Variants in TRPM2 observed in about 807,000 individuals in gnomAD.
The protein encoded by TRPM2 is estrogen-responsive element-associated gene 1 protein.
A neutral mutation model predicts 174.0 loss-of-function variants in TRPM2; 161 were observed. The observed-to-expected ratio is 0.93, with a 90% confidence interval of 0.81 to 1.05. The LOEUF is 1.05. Ranked by LOEUF, TRPM2 falls within the 50% of genes least tolerant of loss-of-function variation. The pLI, the probability that TRPM2 is intolerant of heterozygous loss-of-function variation, is 0.00. For missense variants in TRPM2, 2,057 were observed against 2,038.0 expected (o/e 1.01, Z -0.18); for synonymous variants, 954 against 861.3 (o/e 1.11, Z -1.88).
Position 44,425,673 on chromosome 21 carries a change from C to A in TRPM2, c.3641C>A (p.Ser1214Tyr). ...ACGTCTTCCTGACTGTCCCCAGCCT[C>A]CCAGAAGGCCGCGGAGGAGCCGGAT... ...SSEADVPTLA[S>Y]QKAAEEPDAE... The change falls in exon 25 of 32, where the codon TCC (serine) becomes TAC (tyrosine). Residue 1214 changes from serine to tyrosine, a missense_variant. Physicochemically the swap from Ser to Tyr is moderately radical, Grantham distance 144. Coordinates refer to ENST00000397928, the MANE Select transcript of TRPM2 (RefSeq NM_003307.4). 1 of 1,516,794 alleles carries A rather than the reference C, an allele frequency of 6.6e-7. No individual in the cohort carries two copies. Among genetic ancestry groups the A allele is most frequent in the Non-Finnish European group, 8.9e-7 (1 of 1,123,170 alleles). 94.0% of individuals were successfully genotyped at this position (1,516,794 alleles called of 1,614,324 possible).
In TRPM2 at chr21:44,376,954, AC is replaced by A. The variant is rs770397128; in HGVS notation, c.953-757del. On this transcript the variant is annotated intron_variant, in intron 6 of 31. Transcript: ENST00000397928. The surrounding 1 kb of genome is among the most constrained non-coding windows in gnomAD (Gnocchi z 4.2). ...GACCACACTTTGAGAACCCTGCTTG[AC>A]TAGTAGGAGCACGTTCCCTGGTGAG... Among the ~76,000 whole-genome samples the A allele has an allele frequency of 4.6e-5, 7 of 150,610 alleles. No individual in the cohort carries two copies. Among genetic ancestry groups the A allele is most frequent in the Non-Finnish European group, 8.9e-5 (6 of 67,740 alleles).
Position 44,438,945 on chromosome 21 carries a change from G to A in TRPM2, c.4168-122G>A. On this transcript the variant is annotated intron_variant, in intron 29 of 31. Transcript: ENST00000397928. This position sits in a 1 kb window ranked among gnomAD's most constrained non-coding sequence, Gnocchi z 5.9. ...CTGCAGCCTGAGATGCCGCCTGCCT[G>A]TGGCTCCCAGGGCTGGGCCGCTGCC... 1 of 700,662 alleles carries A rather than the reference G, an allele frequency of 1.4e-6. No individual in the cohort carries two copies. The highest frequency in any genetic ancestry group is 1.7e-5 in the South Asian group (1 of 57,280). 43.4% of individuals were successfully genotyped at this position (700,662 alleles called of 1,614,324 possible).
chr21:44,378,483 G>A (rs1160559180), intron 7 of TRPM2, among the ~76,000 whole-genome samples: 5 of 152,124 alleles, frequency 3.3e-5, no homozygotes, highest in East Asian at 3.9e-4. Context: ...CTCCCTATGC[G>A]TGCCGAGTAC....
intron 12 of TRPM2, among the ~76,000 whole-genome samples, chr21:44,397,482 T>G (rs994348678): frequency 6.6e-6 from 1 of 152,180 alleles, no homozygotes; most frequent in Admixed American, 6.5e-5. Flanking sequence ...CTGGTGCATG[T>G]GCTGGGCCCG....
chr21:44,393,867 T>C (rs2049257700), intron 11 of TRPM2, among the ~76,000 whole-genome samples: 1 of 151,994 alleles, frequency 6.6e-6, no homozygotes, highest in Non-Finnish European at 1.5e-5. Flanking sequence ...GGGTATGACT[T>C]GGTTTCTTTG....
chr21:44,411,363 A>G (rs1181872170), intron 19 of TRPM2, among the ~76,000 whole-genome samples: 3 of 152,164 alleles, frequency 2.0e-5, no homozygotes, highest in African/African-American at 7.2e-5. Flanking sequence ...AGCTATTATA[A>G]ATAGAATTGT....
At chr21:44,437,605 A>AG (rs2051328062) in intron 29 of TRPM2, among the ~76,000 whole-genome samples, 2 of 151,742 alleles carry the variant, frequency 1.3e-5, no homozygotes, top group Admixed American at 1.3e-4. Context: ...GTACAGGAGT[A>AG]GGGGCAGGGG....
At chr21:44,405,756 G>A in intron 17 of TRPM2, 149 bp from the exon 18 acceptor site, 1 of 982,124 alleles carries the variant, frequency 1.0e-6, no homozygotes, top group Non-Finnish European at 1.5e-6. Flanking sequence ...TCTCATGCCA[G>A]CTTTGAACAC....
chr21:44,436,631 AC>A (rs1282427710), intron 28 of TRPM2, among the ~76,000 whole-genome samples: 1 of 54,694 alleles, frequency 1.8e-5, no homozygotes, highest in Non-Finnish European at 3.4e-5. Flanking sequence ...CCCCCACATC[AC>A]CCCCAGGTGG....
intron 19 of TRPM2, 136 bp downstream of exon 19, chr21:44,406,901 C>T: frequency 8.5e-7 from 1 of 1,182,894 alleles, no homozygotes. Context: ...GGTGTCCTCC[C>T]TGGGGGCATT....
intron 11 of TRPM2, among the ~76,000 whole-genome samples, chr21:44,394,596 G>A (rs1015398664): frequency 6.6e-6 from 1 of 151,484 alleles, no homozygotes; most frequent in African/African-American, 2.4e-5. Flanking sequence ...TGGGATTACA[G>A]GCGTGAGCCA....
intron 29 of TRPM2, among the ~76,000 whole-genome samples, chr21:44,437,572 G>A (rs1160335829): frequency 6.6e-6 from 1 of 152,126 alleles, no homozygotes; most frequent in African/African-American, 2.4e-5. Flanking sequence ...ATATAGGACG[G>A]TGTCATCCAG....
chr21:44,383,205 G>A (rs374104547), intron 9 of TRPM2, among the ~76,000 whole-genome samples: 26 of 152,106 alleles, frequency 1.7e-4, no homozygotes, highest in African/African-American at 5.8e-4. Flanking sequence ...CAGGGCCTCA[G>A]GAATGGTGTG....
At chr21:44,357,312 G>A (rs550343109) in intron 2 of TRPM2, among the ~76,000 whole-genome samples, 1 of 152,322 alleles carries the variant, frequency 6.6e-6, no homozygotes, top group South Asian at 2.1e-4. Flanking sequence ...GGGGCAGCAG[G>A]GCCCAGAGAG....
rs761650958 is a variant in TRPM2 at position 44,440,949 on chromosome 21, A to G, written c.4386+44A>G. 7.0e-6 allele frequency: 11 copies of G among 1,569,694 alleles called. No homozygotes were observed. The African/African-American group carries it at 1.5e-4, about 21-fold the overall frequency. On this transcript the variant is annotated intron_variant, in intron 31 of 31. Transcript: ENST00000397928. ...TGGAGGCGGGAGTGGGGAGGCAGGG[A>G]CGGGTATGGGCGTGGCCTCCGGGGA...
intron 27 of TRPM2, among the ~76,000 whole-genome samples, chr21:44,430,955 AT>A (rs942060551): frequency 3.2e-5 from 4 of 126,370 alleles, no homozygotes; most frequent in Non-Finnish European, 3.5e-5. Context: ...TTTATTATGT[AT>A]TTCTCTTCTT....
intron 11 of TRPM2, among the ~76,000 whole-genome samples, chr21:44,394,874 C>T (rs1211764839): frequency 1.3e-5 from 2 of 152,114 alleles, no homozygotes; most frequent in African/African-American, 4.8e-5. Context: ...GAGCGTTTCC[C>T]AGCTACCTGA....
chr21:44,354,778 T>C lies in TRPM2; in HGVS notation c.254+42T>C. 6.3e-7 allele frequency: 1 copy of C among 1,583,648 alleles called. No homozygotes were observed. The highest frequency in any genetic ancestry group is 8.7e-7 in the Non-Finnish European group (1 of 1,152,224). On this transcript the variant is annotated intron_variant, in intron 2 of 31. Transcript: ENST00000397928. This position sits in a 1 kb window ranked among gnomAD's most constrained non-coding sequence, Gnocchi z 4.3. ...GTGTGTAAGACCTCTGACTTCTTCCTTCCGATCCCACATGGAGTAGCTGAT... is the reference window on the plus strand; with the variant it reads ...GTGTGTAAGACCTCTGACTTCTTCCCTCCGATCCCACATGGAGTAGCTGAT...
chr21:44,363,460 G>A (rs912410650), intron 2 of TRPM2, among the ~76,000 whole-genome samples: 1 of 151,406 alleles, frequency 6.6e-6, no homozygotes, highest in African/African-American at 2.4e-5. Flanking sequence ...CCATCCTGCT[G>A]TTAGGTCCAT....
Sources: allele counts gnomAD v4.1 joint callset (sites outside exome capture counted in the v4.1 genomes callset), GRCh38; gene constraint gnomAD v4.1.1; non-coding constraint Gnocchi (gnomAD v3.1); transcripts MANE v1.5; gene names NCBI Gene and HGNC (gene_info 2026-07-23, HGNC 2026-07-21).